The following ADCY2 variants were observed in gnomAD, a reference collection of about 807,000 sequenced individuals.
ADCY2 encodes the protein adenylate cyclase 2.
Under a neutral mutation model 125.2 loss-of-function variants are expected in ADCY2, and 31 were observed. The ratio of observed to expected loss-of-function variants is 0.25; its 90% CI spans 0.19 to 0.33. ADCY2 has a LOEUF of 0.33. ADCY2 is among the 10% of genes least tolerant of loss of function. ADCY2 has a pLI of 1.00. For missense variants in ADCY2, 904 were observed against 1,418.2 expected (o/e 0.64, Z 5.82); for synonymous variants, 512 against 548.4 (o/e 0.93, Z 0.93).
intron 2 of ADCY2, among the ~76,000 whole-genome samples, chr5:7,459,510 C>A (rs957143856): frequency 1.3e-5 from 2 of 152,162 alleles, no homozygotes; most frequent in Admixed American, 1.3e-4. Flanking sequence ...TAGTAATTCG[C>A]CTCCAAGCAG....
intron 3 of ADCY2, among the ~76,000 whole-genome samples, chr5:7,578,784 C>T (rs1325629431): frequency 1.3e-5 from 2 of 152,098 alleles, no homozygotes; most frequent in East Asian, 1.9e-4. Context: ...TGATGCTCCT[C>T]GATGCTCCCA....
chr5:7,555,088 A>G (rs973115341), intron 3 of ADCY2, among the ~76,000 whole-genome samples: 2 of 152,134 alleles, frequency 1.3e-5, no homozygotes, highest in Non-Finnish European at 2.9e-5. Flanking sequence ...GAATTCATCA[A>G]TGTCCCTTTC....
In ADCY2 at chr5:7,802,087, G is replaced by A; in HGVS notation, c.2629-131G>A. ...GCATCTGGATTGGGCCGCGGCTGGGGTGGGGCAAGTGGAGTAGGCATTTGG... is the reference window on the plus strand; with the variant it reads ...GCATCTGGATTGGGCCGCGGCTGGGATGGGGCAAGTGGAGTAGGCATTTGG... On this transcript the variant is annotated intron_variant, in intron 20 of 24. Transcript: ENST00000338316. This position sits in a 1 kb window ranked among gnomAD's most constrained non-coding sequence, Gnocchi z 4.6. 3 of 1,021,450 alleles carry A rather than the reference G, an allele frequency of 2.9e-6. No homozygotes were observed. The highest frequency in any genetic ancestry group is 4.3e-6 in the Non-Finnish European group (3 of 704,744). 63.3% of individuals were successfully genotyped at this position (1,021,450 alleles called of 1,614,324 possible). A position where few individuals can be genotyped will look rare whatever the true frequency, so the allele number is the denominator to read the frequency against.
At chr5:7,529,130 T>C (rs557283297) in intron 3 of ADCY2, among the ~76,000 whole-genome samples, 4 of 152,310 alleles carry the variant, frequency 2.6e-5, no homozygotes, top group Admixed American at 6.5e-5. Context: ...GGAAGGAGGA[T>C]GTACACATCA....
chr5:7,757,352 T>C (rs1271477869), intron 15 of ADCY2, 97 bp from the exon 16 acceptor site: 18 of 1,461,500 alleles, frequency 1.2e-5, no homozygotes, highest in Non-Finnish European at 1.5e-5. Flanking sequence ...CTATGAACAA[T>C]GTTGGTGCTT....
At chr5:7,614,970 G>T (rs369855971) in intron 3 of ADCY2, among the ~76,000 whole-genome samples, 4 of 152,294 alleles carry the variant, frequency 2.6e-5, no homozygotes, top group South Asian at 4.1e-4. Flanking sequence ...TCGCCATTCT[G>T]CAGGCTCTAC....
chr5:7,542,532 G>A (rs575523745), intron 3 of ADCY2, among the ~76,000 whole-genome samples: 3 of 152,298 alleles, frequency 2.0e-5, no homozygotes, highest in African/African-American at 7.2e-5. Context: ...TAAACAAAGT[G>A]TAGTGCATTT....
chr5:7,658,796 C>G (rs958877783), intron 4 of ADCY2, among the ~76,000 whole-genome samples: 2 of 152,166 alleles, frequency 1.3e-5, no homozygotes, highest in Admixed American at 1.3e-4. Flanking sequence ...CATGCTGGAC[C>G]GAGGGAAGAG....
At chr5:7,677,750 C>T (rs1029117732) in intron 4 of ADCY2, among the ~76,000 whole-genome samples, 5 of 152,290 alleles carry the variant, frequency 3.3e-5, no homozygotes, top group African/African-American at 1.2e-4. Flanking sequence ...GCCACCCAGC[C>T]CACTGAATCA....
At chr5:7,792,022 C>A (rs970661043) in intron 20 of ADCY2, among the ~76,000 whole-genome samples, 4 of 151,928 alleles carry the variant, frequency 2.6e-5, no homozygotes, top group African/African-American at 9.7e-5. Context: ...AGGAAAGTGC[C>A]TAATTCAAGA....
intron 4 of ADCY2, among the ~76,000 whole-genome samples, chr5:7,648,386 C>G (rs1279480644): frequency 2.0e-5 from 3 of 152,158 alleles, no homozygotes; most frequent in Admixed American, 1.3e-4. Flanking sequence ...AGTGAAACTT[C>G]TTTGCATTTA....
chr5:7,743,979 G>A (rs1205181587), intron 15 of ADCY2, among the ~76,000 whole-genome samples: 9 of 152,166 alleles, frequency 5.9e-5, no homozygotes, highest in African/African-American at 2.2e-4. Context: ...AACGTTCGAT[G>A]TCACATCAGA....
chr5:7,644,125 C>T (rs770093231), intron 4 of ADCY2, among the ~76,000 whole-genome samples: 2 of 152,028 alleles, frequency 1.3e-5, no homozygotes, highest in Non-Finnish European at 2.9e-5. Context: ...ATTCCTTTCA[C>T]TCACCACTAA....
chr5:7,803,742 A>G (rs958333023), intron 21 of ADCY2, among the ~76,000 whole-genome samples: 2 of 151,774 alleles, frequency 1.3e-5, no homozygotes, highest in Non-Finnish European at 2.9e-5. Flanking sequence ...CTGCAAAATA[A>G]TTTTTAAATT....
intron 3 of ADCY2, among the ~76,000 whole-genome samples, chr5:7,555,883 C>G (rs62341552): frequency 0.15 from 21,972 of 150,972 alleles, 1,875 homozygotes; most frequent in Non-Finnish European, 0.19. Flanking sequence ...CACACACACA[C>G]AGACATGATT....
At position 7,439,170 on chromosome 5, in the gene ADCY2, T is replaced by C. The variant is rs570523915; in HGVS notation, c.408+24400T>C. ...AAAATCATTTTATAAAGAAGTAGAG[T>C]GTATTAGTCTGTTCTCACACTGCTA... On this transcript the variant is annotated intron_variant, in intron 2 of 24. Coordinates refer to ENST00000338316, the MANE Select transcript of ADCY2 (RefSeq NM_020546.3). Among the ~76,000 whole-genome samples the C allele has an allele frequency of 2.6e-5, 4 of 152,192 alleles. No individual in the cohort carries two copies. The East Asian group carries it at 7.7e-4, about 29-fold the overall frequency.
intron 2 of ADCY2, among the ~76,000 whole-genome samples, chr5:7,510,321 C>A (rs1015157587): frequency 4.6e-5 from 7 of 152,192 alleles, no homozygotes; most frequent in African/African-American, 1.7e-4. Flanking sequence ...CATGGCAGAG[C>A]TGAATGAATG....
intron 24 of ADCY2, among the ~76,000 whole-genome samples, chr5:7,825,069 C>A (rs891586835): frequency 1.1e-4 from 16 of 151,948 alleles, no homozygotes; most frequent in Non-Finnish European, 1.9e-4. Context: ...CAGAACAATG[C>A]TGCTGTGTGC....
At chr5:7,640,168 C>T (rs1042377970) in intron 4 of ADCY2, among the ~76,000 whole-genome samples, 6 of 152,090 alleles carry the variant, frequency 3.9e-5, no homozygotes, top group Non-Finnish European at 8.8e-5. Context: ...AAGTACAGTA[C>T]TTAACATAAT....
Sources: allele counts gnomAD v4.1 joint callset (sites outside exome capture counted in the v4.1 genomes callset), GRCh38; gene constraint gnomAD v4.1.1; non-coding constraint Gnocchi (gnomAD v3.1); transcripts MANE v1.5; gene names NCBI Gene and HGNC (gene_info 2026-07-23, HGNC 2026-07-21).